SEMA3A: variants seen among roughly 807,000 people sequenced by gnomAD.
SEMA3A encodes the protein semaphorin-3A.
Under a neutral mutation model 97.9 loss-of-function variants are expected in SEMA3A, and 29 were observed. That is an observed-to-expected ratio of 0.30 (90% confidence interval 0.22 to 0.40). SEMA3A has a LOEUF of 0.40. Ranked by LOEUF, SEMA3A falls within the 10% of genes least tolerant of loss-of-function variation. The pLI, the probability that SEMA3A is intolerant of heterozygous loss-of-function variation, is 1.00. For synonymous variants in SEMA3A, 321 were observed against 323.7 expected, an observed-to-expected ratio of 0.99 and a Z score of 0.09; for missense variants, 763 against 951.3, an observed-to-expected ratio of 0.80 and a Z score of 2.60.
intron 12 of SEMA3A, among the ~76,000 whole-genome samples, chr7:83,990,875 T>A (rs977883594): frequency 1.3e-5 from 2 of 151,678 alleles, no homozygotes; most frequent in African/African-American, 4.8e-5. Flanking sequence ...GGTAGCTTGA[T>A]GGGGATGGCA....
intron 3 of SEMA3A, among the ~76,000 whole-genome samples, chr7:84,231,816 A>G (rs1049321775): frequency 2.6e-5 from 4 of 151,928 alleles, no homozygotes; most frequent in Admixed American, 2.6e-4. Flanking sequence ...AGCCAAGGCC[A>G]ATGTCAGGTT....
intron 2 of SEMA3A, among the ~76,000 whole-genome samples, chr7:84,358,621 C>T (rs556282243): frequency 1.3e-5 from 2 of 152,052 alleles, no homozygotes; most frequent in Admixed American, 6.6e-5. Flanking sequence ...GCAATGTGGG[C>T]TCTTTTTTGG....
chr7:84,441,608 T>C (rs6948764), intron 1 of SEMA3A, among the ~76,000 whole-genome samples: 17,010 of 151,866 alleles, frequency 0.11, 1,193 homozygotes, highest in East Asian at 0.28. Context: ...GAAAGCATCA[T>C]AGAAAATGTT....
chr7:84,488,312 G>A (rs2190053), intron 1 of SEMA3A, among the ~76,000 whole-genome samples: 13,971 of 74,162 alleles, frequency 0.19, 764 homozygotes, highest in East Asian at 0.46. Flanking sequence ...ATGTTTCTTC[G>A]TATATACACA....
At chr7:84,191,384 T>C (rs984718686) in intron 1 of SEMA3A, among the ~76,000 whole-genome samples, 1 of 151,738 alleles carries the variant, frequency 6.6e-6, no homozygotes, top group Non-Finnish European at 1.5e-5. Context: ...ACATTGAGAC[T>C]TGCATGTGTC....
chr7:84,309,314 T>G (rs1801256045), intron 2 of SEMA3A, among the ~76,000 whole-genome samples: 1 of 152,156 alleles, frequency 6.6e-6, no homozygotes, highest in Non-Finnish European at 1.5e-5. Flanking sequence ...CAGGAATGAC[T>G]TGGAAGTTCT....
At chr7:84,323,748 T>G (rs1465688839) in intron 2 of SEMA3A, among the ~76,000 whole-genome samples, 1 of 152,196 alleles carries the variant, frequency 6.6e-6, no homozygotes, top group Non-Finnish European at 1.5e-5. Flanking sequence ...TGCATCATGG[T>G]TGATTACCAT....
intron 1 of SEMA3A, among the ~76,000 whole-genome samples, chr7:84,178,253 A>G (rs1554340947): frequency 6.6e-6 from 1 of 152,034 alleles, no homozygotes; most frequent in Non-Finnish European, 1.5e-5. Context: ...GCTTTTTTAT[A>G]ACACTTATTG....
intron 1 of SEMA3A, among the ~76,000 whole-genome samples, chr7:84,189,038 T>C (rs1468743002): frequency 2.0e-5 from 3 of 151,836 alleles, no homozygotes; most frequent in African/African-American, 7.2e-5. Flanking sequence ...CACCTATTAG[T>C]GGAAGCATAG....
chr7:84,305,181 A>G (rs1412268137), intron 3 of SEMA3A, among the ~76,000 whole-genome samples: 1 of 151,766 alleles, frequency 6.6e-6, no homozygotes, highest in Non-Finnish European at 1.5e-5. Context: ...TTATTTATAT[A>G]AGCTATTTCA....
At chr7:84,083,886 C>T (rs1248331946) in intron 4 of SEMA3A, among the ~76,000 whole-genome samples, 1 of 151,976 alleles carries the variant, frequency 6.6e-6, no homozygotes, top group Admixed American at 6.6e-5. Context: ...TCCGTGATAA[C>T]CTCTGTGGGT....
At chr7:84,476,504 A>G (rs1806285350) in intron 1 of SEMA3A, among the ~76,000 whole-genome samples, 1 of 152,190 alleles carries the variant, frequency 6.6e-6, no homozygotes, top group Non-Finnish European at 1.5e-5. Flanking sequence ...TTAGACTGAC[A>G]GTGCTTAATT....
intron 9 of SEMA3A, among the ~76,000 whole-genome samples, chr7:84,008,505 A>AG (rs1253508193): frequency 2.1e-5 from 2 of 97,294 alleles, no homozygotes; most frequent in Non-Finnish European, 4.5e-5. Flanking sequence ...AAAAAAAAAA[A>AG]AAAGAAAGAA....
intron 1 of SEMA3A, among the ~76,000 whole-genome samples, chr7:84,431,593 A>G (rs1804982303): frequency 6.6e-6 from 1 of 151,774 alleles, no homozygotes; most frequent in African/African-American, 2.4e-5. Flanking sequence ...AGTATGTTCT[A>G]AAGAAGCTAC....
chr7:84,058,773 G>A (rs986748930), intron 5 of SEMA3A, among the ~76,000 whole-genome samples: 11 of 152,128 alleles, frequency 7.2e-5, no homozygotes, highest in East Asian at 1.9e-4. Context: ...TTCTAGCCAC[G>A]TCCTCTTCCT....
chr7:84,265,513 A>T (rs1030040811), intron 3 of SEMA3A, among the ~76,000 whole-genome samples: 17 of 147,400 alleles, frequency 1.2e-4, no homozygotes, highest in African/African-American at 1.7e-4. Flanking sequence ...TATATATATA[A>T]AATATATAAT....
intron 6 of SEMA3A, among the ~76,000 whole-genome samples, chr7:84,041,193 CA>C (rs1319066774): frequency 1.2e-4 from 18 of 151,854 alleles, no homozygotes; most frequent in Admixed American, 1.2e-3. Flanking sequence ...TTAGTAATTT[CA>C]AAAAACTTGC....
At chr7:84,062,987 C>T (rs1389030544) in intron 4 of SEMA3A, among the ~76,000 whole-genome samples, 1 of 151,968 alleles carries the variant, frequency 6.6e-6, no homozygotes, top group South Asian at 2.1e-4. Context: ...AACAAAAAGA[C>T]AGCAGTAACC....
intron 15 of SEMA3A, among the ~76,000 whole-genome samples, chr7:83,963,594 T>G (rs1788562677): frequency 6.6e-6 from 1 of 152,202 alleles, no homozygotes; most frequent in South Asian, 2.1e-4. Flanking sequence ...AAAATGGCAT[T>G]ACATTTACAA....
Sources: gnomAD v4.1 joint callset for allele counts (sites outside exome capture counted in the v4.1 genomes callset) on GRCh38, gnomAD v4.1.1 for gene constraint, MANE v1.5 for transcripts, NCBI Gene and HGNC (gene_info 2026-07-23, HGNC 2026-07-21) for gene names.